Variants in KLRD1 observed in about 807,000 individuals in gnomAD.
The protein encoded by KLRD1 is killer cell lectin like receptor D1.
KLRD1 carries 21 observed loss-of-function variants against 22.6 expected under a neutral mutation model. The observed-to-expected ratio is 0.93, with a 90% CI of 0.66 to 1.34. The LOEUF (loss-of-function observed/expected upper bound fraction) is 1.34. Among genes scored for constraint, KLRD1 ranks in the 40% most tolerant of loss-of-function variants. The pLI is 0.00. For synonymous variants in KLRD1, 59 were observed against 71.1 expected (o/e 0.83, Z 0.85); for missense variants, 183 against 208.6 (o/e 0.88, Z 0.76).
intron 1 of KLRD1, among the ~76,000 whole-genome samples, chr12:10,269,560 C>T (rs1949530785): frequency 6.6e-6 from 1 of 152,158 alleles, no homozygotes; most frequent in Non-Finnish European, 1.5e-5. Context: ...CAAATTGTCT[C>T]TTTTTTCCCA....
intron 4 of KLRD1, among the ~76,000 whole-genome samples, chr12:10,312,886 C>T (rs1565472417): frequency 2.0e-5 from 3 of 151,432 alleles, no homozygotes; most frequent in Non-Finnish European, 2.9e-5. Flanking sequence ...ACTCGGGAGG[C>T]GGAGGCAGGA....
chr12:10,281,716 A>C (rs1949645370), intron 1 of KLRD1, among the ~76,000 whole-genome samples: 1 of 152,188 alleles, frequency 6.6e-6, no homozygotes, highest in African/African-American at 2.4e-5. Context: ...AAAATTCAAA[A>C]ATTTTGTTAT....
At chr12:10,257,526 T>C in intron 1 of KLRD1, among the ~76,000 whole-genome samples, 1 of 150,348 alleles carries the variant, frequency 6.7e-6, no homozygotes, top group East Asian at 1.9e-4. Flanking sequence ...TATTTTTCAG[T>C]TCTGTTATTT....
In KLRD1 at chr12:10,313,475, C is replaced by T. The variant is rs766533460; in HGVS notation, c.381C>T (p.Ala127=). 1.2e-6 allele frequency: 2 copies of T among 1,608,434 alleles called. No individual in the cohort carries two copies. The highest frequency in any genetic ancestry group is 2.2e-5 in the South Asian group (2 of 90,178). The change falls in exon 5 of 6, where the codon GCC becomes GCT. Residue 127 remains alanine (A), a synonymous_variant. Transcript: ENST00000336164. ...TCTCTTACAGTGAGGAGCACACCGC[C>T]TGGTTGTGGGAGAATGGCTCTGCAC... ...IGLSYSEEHT[A]WLWENGSALS...
intron 1 of KLRD1, among the ~76,000 whole-genome samples, chr12:10,290,614 T>C (rs1264115313): frequency 1.3e-5 from 2 of 152,182 alleles, no homozygotes; most frequent in East Asian, 3.9e-4. Flanking sequence ...AATTGGCGTG[T>C]AATGTGTGCT....
In KLRD1 at chr12:10,314,544, A is replaced by G. The variant is rs889346408; in HGVS notation, c.420-129A>G. On this transcript the variant is annotated intron_variant, in intron 5 of 5. Coordinates refer to ENST00000336164, the MANE Select transcript of KLRD1 (RefSeq NM_002262.5). ...AAAATCATGAAAATTGTGGTTACTG[A>G]AAAAAAAAGGACTCAATATGTTAGT... The G allele has an allele frequency of 1.5e-5, 10 of 670,256 alleles. No individual in the cohort carries two copies. The Admixed American group carries it at 3.5e-4, about 23-fold the overall frequency. The allele number at this position is 670,256 out of a possible 1,614,324, so 41.5% of individuals were successfully genotyped here.
chr12:10,301,813 T>C (rs947676632), upstream of KLRD1, among the ~76,000 whole-genome samples: 1 of 152,214 alleles, frequency 6.6e-6, no homozygotes, highest in East Asian at 1.9e-4. Flanking sequence ...CATGTCCTCC[T>C]AGCTTTTGAT....
chr12:10,310,171 G>C (rs1371442584), intron 3 of KLRD1, among the ~76,000 whole-genome samples: 3 of 152,212 alleles, frequency 2.0e-5, no homozygotes, highest in Admixed American at 2.0e-4. Context: ...GAGTGCAGTG[G>C]CACGATCTTG....
intron 1 of KLRD1, among the ~76,000 whole-genome samples, chr12:10,254,718 G>A (rs933810242): frequency 6.6e-6 from 1 of 151,890 alleles, no homozygotes; most frequent in Non-Finnish European, 1.5e-5. Flanking sequence ...GTGAAACCCT[G>A]TCTCATGTAA....
At chr12:10,303,348 C>T, upstream of KLRD1, among the ~76,000 whole-genome samples, 1 of 152,070 alleles carries the variant, frequency 6.6e-6, no homozygotes, top group East Asian at 1.9e-4. Context: ...ACTTGAATGG[C>T]ATCCTGAATT....
intron 1 of KLRD1, among the ~76,000 whole-genome samples, chr12:10,285,888 G>A (rs987269587): frequency 6.6e-6 from 1 of 152,190 alleles, no homozygotes; most frequent in African/African-American, 2.4e-5. Context: ...CAGCTACAGT[G>A]CTAGTGATCA....
rs1950378928 is a variant in KLRD1 at position 10,328,265 on chromosome 12, A to C, written c.*13472A>C. ...TTCTCCTTAAATATTTGGTGGCTTCACCAGAAGAGCCATCTTGTCCTGGGA... is the reference window on the plus strand; with the variant it reads ...TTCTCCTTAAATATTTGGTGGCTTCCCCAGAAGAGCCATCTTGTCCTGGGA... On this transcript the variant is annotated 3_prime_UTR_variant, in exon 6 of 6. Transcript: ENST00000336164. 6.6e-6 allele frequency: 1 copy of C among 152,136 alleles called. No homozygotes were observed. Among genetic ancestry groups the C allele is most frequent in the East Asian group, 1.9e-4 (1 of 5,202 alleles). The allele number at this position is 152,136 out of a possible 1,614,324, so 9.4% of individuals were successfully genotyped here.
At chr12:10,276,163 TC>T (rs1302430430) in intron 1 of KLRD1, among the ~76,000 whole-genome samples, 1 of 152,226 alleles carries the variant, frequency 6.6e-6, no homozygotes, top group African/African-American at 2.4e-5. Context: ...GTTTACTTAC[TC>T]TACCTTTGAT....
chr12:10,275,574 T>G (rs2137648652), intron 1 of KLRD1, among the ~76,000 whole-genome samples: 1 of 152,308 alleles, frequency 6.6e-6, no homozygotes, highest in Non-Finnish European at 1.5e-5. Context: ...AAGTTTACCT[T>G]ATCCGAAGCA....
Position 10,294,874 on chromosome 12 carries a change from G to A in KLRD1, c.-100-13104G>A, listed in dbSNP as rs181133199. Among the ~76,000 whole-genome samples, 1,172 of 152,254 alleles carry A rather than the reference G, an allele frequency of 7.7e-3. 8 individuals are homozygous for A. Among genetic ancestry groups the A allele is most frequent in the South Asian group, 0.014 (66 of 4,826 alleles). ...CTTGACACAAAACAATTTATATTAT[G>A]TGACTATATACGTTATAGTAAGATA... On this transcript the variant is annotated intron_variant, in intron 1 of 5. Coordinates refer to the KLRD1 transcript ENST00000544747.
intron 1 of KLRD1, among the ~76,000 whole-genome samples, chr12:10,278,248 A>G (rs980483550): frequency 6.6e-6 from 1 of 152,168 alleles, no homozygotes; most frequent in Non-Finnish European, 1.5e-5. Context: ...AGGTGATAGT[A>G]TTACTATTCC....
chr12:10,255,297 G>A (rs1949384886), intron 1 of KLRD1, among the ~76,000 whole-genome samples: 1 of 152,026 alleles, frequency 6.6e-6, no homozygotes, highest in Non-Finnish European at 1.5e-5. Flanking sequence ...CTTTTCTAAG[G>A]TCCAACTTTT....
At chr12:10,262,941 T>G (rs1949467006) in intron 1 of KLRD1, among the ~76,000 whole-genome samples, 2 of 152,062 alleles carry the variant, frequency 1.3e-5, no homozygotes, top group Non-Finnish European at 2.9e-5. Flanking sequence ...GTATATATGA[T>G]TGATGTTATT....
chr12:10,308,686 G>A (rs1949980402), intron 1 of KLRD1: 2 of 153,072 alleles, frequency 1.3e-5, no homozygotes, highest in Non-Finnish European at 2.9e-5. Flanking sequence ...CCTCAAAGTT[G>A]TTACCCATCA....
Sources: allele counts gnomAD v4.1 joint callset (sites outside exome capture counted in the v4.1 genomes callset), GRCh38; gene constraint gnomAD v4.1.1; transcripts MANE v1.5; gene names NCBI Gene and HGNC (gene_info 2026-07-23, HGNC 2026-07-21).